Variants in CDYL observed in about 807,000 individuals in gnomAD.
CDYL encodes chromodomain Y like.
CDYL carries 8 observed loss-of-function variants against 47.3 expected under a neutral mutation model. The observed-to-expected ratio is 0.17, with a 90% CI of 0.10 to 0.31. The LOEUF (loss-of-function observed/expected upper bound fraction) is 0.31. Among genes scored for constraint, CDYL ranks in the 10% least tolerant of loss-of-function variants. The pLI is 1.00. For missense variants in CDYL, 471 were observed against 701.4 expected, an observed-to-expected ratio of 0.67 and a Z score of 3.71; for synonymous variants, 266 against 265.0, an observed-to-expected ratio of 1.00 and a Z score of -0.04.
chr6:4,945,419 C>G (rs1758482070), intron 5 of CDYL, among the ~76,000 whole-genome samples: 2 of 152,140 alleles, frequency 1.3e-5, no homozygotes, highest in South Asian at 4.1e-4. Context: ...CTCAGAGCTG[C>G]CCTGCTCCTC....
At chr6:4,908,518 G>A (rs369565032) in intron 2 of CDYL, among the ~76,000 whole-genome samples, 4 of 152,138 alleles carry the variant, frequency 2.6e-5, no homozygotes, top group African/African-American at 9.7e-5. Context: ...GCTACTTATT[G>A]AAAATACCTC....
intron 2 of CDYL, among the ~76,000 whole-genome samples, chr6:4,727,399 G>C (rs2127412776): frequency 6.6e-6 from 1 of 152,230 alleles, no homozygotes; most frequent in East Asian, 1.9e-4. Flanking sequence ...TCCATACATA[G>C]GGTGGATTTG....
intron 2 of CDYL, among the ~76,000 whole-genome samples, chr6:4,922,646 C>G (rs1022331179): frequency 6.6e-6 from 1 of 152,244 alleles, no homozygotes; most frequent in Admixed American, 6.5e-5. Context: ...CCTGCTTCCC[C>G]TTTTATCATT....
intron 1 of CDYL, among the ~76,000 whole-genome samples, chr6:4,867,612 A>C (rs971750425): frequency 2.6e-5 from 4 of 152,112 alleles, no homozygotes; most frequent in African/African-American, 9.7e-5. Flanking sequence ...TTAATATGGA[A>C]TATTACATTA....
intron 3 of CDYL, among the ~76,000 whole-genome samples, chr6:4,746,796 G>A (rs1426630382): frequency 2.0e-5 from 3 of 152,104 alleles, no homozygotes; most frequent in Non-Finnish European, 4.4e-5. Context: ...GCCAGGGGAA[G>A]GATGAGATTT....
intron 4 of CDYL, among the ~76,000 whole-genome samples, chr6:4,939,477 A>G (rs940960398): frequency 3.3e-5 from 5 of 152,294 alleles, no homozygotes; most frequent in Admixed American, 3.3e-4. Flanking sequence ...ATATTTTCTC[A>G]TATGATGTAC....
intron 1 of CDYL, among the ~76,000 whole-genome samples, chr6:4,887,239 A>C (rs1761922740): frequency 6.7e-6 from 1 of 150,066 alleles, no homozygotes; most frequent in South Asian, 2.1e-4. Context: ...CAAAGAAAAC[A>C]ACTTTAATGT....
chr6:4,826,144 A>G (rs1233416302), intron 1 of CDYL, among the ~76,000 whole-genome samples: 5 of 152,226 alleles, frequency 3.3e-5, no homozygotes, highest in Admixed American at 6.5e-5. Context: ...ATTATAATCT[A>G]TGTGAGATAT....
chr6:4,827,631 T>G (rs1760016109), intron 1 of CDYL, among the ~76,000 whole-genome samples: 2 of 152,156 alleles, frequency 1.3e-5, no homozygotes, highest in South Asian at 4.1e-4. Flanking sequence ...ATAACATGGA[T>G]TGATAATTAT....
chr6:4,873,707 A>G (rs1222465767), intron 1 of CDYL, among the ~76,000 whole-genome samples: 1 of 152,194 alleles, frequency 6.6e-6, no homozygotes, highest in Non-Finnish European at 1.5e-5. Context: ...GAATAAATGG[A>G]TGTGATAATA....
At chr6:4,850,713 C>T (rs973917477) in intron 1 of CDYL, among the ~76,000 whole-genome samples, 1 of 152,180 alleles carries the variant, frequency 6.6e-6, no homozygotes, top group South Asian at 2.1e-4. Context: ...GTGAAAGCCA[C>T]GCACTAGAAT....
intron 1 of CDYL, among the ~76,000 whole-genome samples, chr6:4,794,042 G>A (rs1459150380): frequency 2.0e-5 from 3 of 152,106 alleles, no homozygotes; most frequent in African/African-American, 7.2e-5. Context: ...TTATAGTTCA[G>A]GGCAGGAGAG....
intron 1 of CDYL, among the ~76,000 whole-genome samples, chr6:4,882,252 A>G (rs1382121839): frequency 6.6e-6 from 1 of 152,178 alleles, no homozygotes. Context: ...CTCAAAGAGG[A>G]GGATGGGAGT....
intron 1 of CDYL, chr6:4,890,150 G>C: frequency 1.0e-6 from 1 of 985,410 alleles, no homozygotes; most frequent in South Asian, 4.7e-5. Flanking sequence ...GAGGCAGGGG[G>C]AACATTAAAC....
intron 1 of CDYL, among the ~76,000 whole-genome samples, chr6:4,807,097 G>A (rs917817348): frequency 6.6e-6 from 1 of 152,174 alleles, no homozygotes; most frequent in African/African-American, 2.4e-5. Context: ...CACCAGTCAT[G>A]TTAGATTAGG....
At chr6:4,923,627 A>G (rs539294131) in intron 2 of CDYL, among the ~76,000 whole-genome samples, 1 of 152,292 alleles carries the variant, frequency 6.6e-6, no homozygotes, top group South Asian at 2.1e-4. Context: ...TTATTTTTGA[A>G]GAAACCTGCA....
chr6:4,779,047 G>A (rs1758542918), intron 1 of CDYL, among the ~76,000 whole-genome samples: 1 of 152,216 alleles, frequency 6.6e-6, no homozygotes, highest in South Asian at 2.1e-4. Context: ...AGTAAGTGAT[G>A]ATGATTGTAT....
At chr6:4,795,408 T>C (rs147799674) in intron 1 of CDYL, among the ~76,000 whole-genome samples, 55 of 152,314 alleles carry the variant, frequency 3.6e-4, no homozygotes, top group African/African-American at 1.2e-3. Context: ...CACAACTGAA[T>C]ATTTTTTTCT....
At chr6:4,742,644 A>G (rs556422761) in intron 3 of CDYL, among the ~76,000 whole-genome samples, 2 of 152,372 alleles carry the variant, frequency 1.3e-5, no homozygotes, top group South Asian at 4.1e-4. Flanking sequence ...CAATGATCAA[A>G]TCCTGCTGGA....
Sources: allele counts gnomAD v4.1 joint callset (sites outside exome capture counted in the v4.1 genomes callset), GRCh38; gene constraint gnomAD v4.1.1; transcripts MANE v1.5; gene names NCBI Gene and HGNC (gene_info 2026-07-23, HGNC 2026-07-21).